The following BCAS3 variants were observed in gnomAD, a reference collection of about 807,000 sequenced individuals.
BCAS3 encodes BCAS4/BCAS3 fusion.
A neutral mutation model predicts 116.1 loss-of-function variants in BCAS3; 53 were observed. The observed-to-expected ratio is 0.46, with a 90% CI of 0.37 to 0.57. BCAS3 has a LOEUF of 0.57. Ranked by LOEUF, BCAS3 falls within the 20% of genes least tolerant of loss-of-function variation. BCAS3 has a pLI of 0.00. For missense variants in BCAS3, 917 were observed against 1,165.4 expected (o/e 0.79, Z 3.10); for synonymous variants, 391 against 408.2 (o/e 0.96, Z 0.51).
intron 12 of BCAS3, among the ~76,000 whole-genome samples, chr17:60,915,420 C>A (rs1599655113): frequency 6.6e-6 from 1 of 151,956 alleles, no homozygotes; most frequent in East Asian, 1.9e-4. Flanking sequence ...TCATGTAACC[C>A]CCACCACAGT....
chr17:60,682,611 C>T (rs2033344395), intron 2 of BCAS3, among the ~76,000 whole-genome samples: 1 of 152,272 alleles, frequency 6.6e-6, no homozygotes, highest in Middle Eastern at 3.4e-3. Flanking sequence ...CAACCTCCAC[C>T]TCTTGGGTTC....
Position 61,380,700 on chromosome 17 carries a change from T to C in BCAS3, c.2594-11277T>C. On this transcript the variant is annotated intron_variant, in intron 23 of 23. Coordinates refer to ENST00000407086, the MANE Select transcript of BCAS3 (RefSeq NM_017679.5). This position sits in a 1 kb window ranked among gnomAD's most constrained non-coding sequence, Gnocchi z 4.2. ...CACTCTAGGGAGGGCAGGGGTCAGC[T>C]CAGATGGGAGGTCTCTTCTGGAAGG... The C allele has an allele frequency of 1.3e-6, 1 of 786,244 alleles. No homozygotes were observed. Among genetic ancestry groups the C allele is most frequent in the Non-Finnish European group, 2.1e-6 (1 of 479,200 alleles). 48.7% of individuals were successfully genotyped at this position (786,244 alleles called of 1,614,324 possible).
In BCAS3 at chr17:61,199,871, G is replaced by A. The variant is rs1390648357; in HGVS notation, c.2425+115307G>A. Among the ~76,000 whole-genome samples, 1 of 152,002 alleles carries A rather than the reference G, an allele frequency of 6.6e-6. No homozygotes were observed. On this transcript the variant is annotated intron_variant, in intron 22 of 23. Transcript: ENST00000407086. The surrounding 1 kb of genome is among the most constrained non-coding windows in gnomAD (Gnocchi z 4.6). ...TTTCTAGACATCCACCTTACTGCAG[G>A]GCCCTAGGGTCATAACCTCTTAACC... is the stretch of plus-strand genomic sequence containing the variant.
chr17:60,881,711 A>G lies in BCAS3; in HGVS notation c.661+6973A>G, dbSNP rs1235690598. ...CGGTGTTTGGTTTTTTGGTCTTGCG[A>G]TAGTTTACTGAGAATGATGATTTCC... On this transcript the variant is annotated intron_variant, in intron 9 of 23. Transcript: ENST00000407086. 2.6e-5 allele frequency among the ~76,000 whole-genome samples: 4 copies of G among 150,994 alleles called. No homozygotes were observed. In the South Asian group the frequency reaches 6.3e-4, roughly 24 times the overall value.
intron 22 of BCAS3, among the ~76,000 whole-genome samples, chr17:61,143,550 C>T (rs1208896377): frequency 3.9e-5 from 6 of 152,266 alleles, no homozygotes; most frequent in Non-Finnish European, 7.4e-5. Flanking sequence ...TGGCTCACGC[C>T]TGTAATCCCA....
chr17:60,977,135 C>G (rs985556227), intron 14 of BCAS3, among the ~76,000 whole-genome samples: 2 of 151,914 alleles, frequency 1.3e-5, no homozygotes, highest in African/African-American at 4.8e-5. Flanking sequence ...GACAGGGCGG[C>G]TGGCCAGGCG....
chr17:60,777,214 C>T lies in BCAS3; in HGVS notation c.403+29935C>T, dbSNP rs150765287. 2.9e-4 allele frequency among the ~76,000 whole-genome samples: 44 copies of T among 152,230 alleles called. No homozygotes were observed. The East Asian group carries it at 8.1e-3, about 28-fold the overall frequency. On this transcript the variant is annotated intron_variant, in intron 6 of 23. Coordinates refer to ENST00000407086, the MANE Select transcript of BCAS3 (RefSeq NM_017679.5). ...GAACTCTTGGTGTCTTTCCCATCAC[C>T]ACCTTATTCTCTTCCTCTACTACTA...
rs148106585 is a variant in BCAS3, at chr17:60,947,397, G to C, written c.1221+45G>C. 3 of 1,567,690 alleles carry C rather than the reference G, an allele frequency of 1.9e-6. No homozygotes were observed. The African/African-American group carries it at 4.1e-5, about 21-fold the overall frequency. On this transcript the variant is annotated intron_variant, in intron 14 of 23. Transcript: ENST00000407086. ...AGAAGGCGATTTCTTGGTGTAATAT[G>C]ACATCTACTCTAGCTGGTCATTTAT...
intron 14 of BCAS3, among the ~76,000 whole-genome samples, chr17:60,963,012 G>A (rs2061484278): frequency 6.6e-6 from 1 of 152,136 alleles, no homozygotes; most frequent in Non-Finnish European, 1.5e-5. Context: ...ACCTTCTTAT[G>A]TTCTTGGCGT....
In BCAS3 at chr17:60,903,983, T is replaced by C. The variant is rs572105968; in HGVS notation, c.822+1280T>C. On this transcript the variant is annotated intron_variant, in intron 11 of 23. Coordinates refer to ENST00000407086, the MANE Select transcript of BCAS3 (RefSeq NM_017679.5). ...TTTTCAGTAATTTTTAGTTATGGAA[T>C]GGAGGATAACTTTTCAGCTCCTGTT... Among the ~76,000 whole-genome samples, 75 of 152,314 alleles carry C rather than the reference T, an allele frequency of 4.9e-4. 1 individual carries two copies. In the South Asian group the frequency reaches 0.014, roughly 29 times the overall value.
intron 22 of BCAS3, among the ~76,000 whole-genome samples, chr17:61,334,815 C>T (rs143802943): frequency 6.6e-6 from 1 of 152,302 alleles, no homozygotes; most frequent in African/African-American, 2.4e-5. Flanking sequence ...ACAGGAACAG[C>T]TCACTGTAAC....
intron 6 of BCAS3, among the ~76,000 whole-genome samples, chr17:60,800,249 G>A (rs1411169626): frequency 6.6e-6 from 1 of 152,120 alleles, no homozygotes; most frequent in Non-Finnish European, 1.5e-5. Flanking sequence ...GAGACATCTA[G>A]TTTCTGCTCA....
chr17:60,768,560 C>A (rs2044342028), intron 6 of BCAS3, among the ~76,000 whole-genome samples: 1 of 152,138 alleles, frequency 6.6e-6, no homozygotes, highest in African/African-American at 2.4e-5. Context: ...TATTGTGGGA[C>A]CTTGTGATCC....
Position 61,032,646 on chromosome 17 carries a change from A to G in BCAS3, c.1638-2020A>G, listed in dbSNP as rs1295024265. Among the ~76,000 whole-genome samples the G allele has an allele frequency of 6.6e-6, 1 of 152,160 alleles. No individual in the cohort carries two copies. The highest frequency in any genetic ancestry group is 2.4e-5 in the African/African-American group (1 of 41,442). ...GTGCATATTTGTTCAGGTATAGGGCAGAGAAGAGTCTTCCTTTCTGGAGGT... is the reference window on the plus strand; with the variant it reads ...GTGCATATTTGTTCAGGTATAGGGCGGAGAAGAGTCTTCCTTTCTGGAGGT... On this transcript the variant is annotated intron_variant, in intron 16 of 23. Coordinates refer to ENST00000407086, the MANE Select transcript of BCAS3 (RefSeq NM_017679.5). This position sits in a 1 kb window ranked among gnomAD's most constrained non-coding sequence, Gnocchi z 4.6.
rs2076043193 is a variant in BCAS3, at chr17:61,126,304, A to T, written c.2425+41740A>T. On this transcript the variant is annotated intron_variant, in intron 22 of 23. Coordinates refer to ENST00000407086, the MANE Select transcript of BCAS3 (RefSeq NM_017679.5). This position sits in a 1 kb window ranked among gnomAD's most constrained non-coding sequence, Gnocchi z 4.6. ...TCTGAATTTACATATCACCTTGAGA[A>T]AATGTGAGGCAATCCTTTACTGAAT... Among the ~76,000 whole-genome samples the T allele has an allele frequency of 6.6e-6, 1 of 152,114 alleles. No homozygotes were observed. Among genetic ancestry groups the T allele is most frequent in the African/African-American group, 2.4e-5 (1 of 41,436 alleles).
chr17:61,295,417 T>C (rs1356296952), intron 22 of BCAS3, among the ~76,000 whole-genome samples: 1 of 152,206 alleles, frequency 6.6e-6, no homozygotes, highest in Non-Finnish European at 1.5e-5. Context: ...TGACACTAAA[T>C]GCCCAGCGTA....
At position 61,391,698 on chromosome 17, in the gene BCAS3, G is replaced by A. The variant is rs1033103085; in HGVS notation, c.2594-279G>A. 10 of 443,112 alleles carry A rather than the reference G, an allele frequency of 2.3e-5. No homozygotes were observed. The highest frequency in any genetic ancestry group is 8.0e-5 in the African/African-American group (4 of 49,982). The allele number at this position is 443,112 out of a possible 1,614,324, so 27.4% of individuals were successfully genotyped here. A position where few individuals can be genotyped will look rare whatever the true frequency, so the allele number is the denominator to read the frequency against. ...AAGAGCTGTGTAGTCCACACACATCGTCAGGGTGGCCGTGCTTCGGGCCTA... is the reference window on the plus strand; with the variant it reads ...AAGAGCTGTGTAGTCCACACACATCATCAGGGTGGCCGTGCTTCGGGCCTA... On this transcript the variant is annotated intron_variant, in intron 23 of 23. Coordinates refer to ENST00000407086, the MANE Select transcript of BCAS3 (RefSeq NM_017679.5). The surrounding 1 kb of genome is among the most constrained non-coding windows in gnomAD (Gnocchi z 7.7).
Position 61,131,192 on chromosome 17 carries a change from A to T in BCAS3, c.2425+46628A>T, listed in dbSNP as rs551077136. 6.6e-6 allele frequency among the ~76,000 whole-genome samples: 1 copy of T among 152,348 alleles called. No individual in the cohort carries two copies. The highest frequency in any genetic ancestry group is 2.1e-4 in the South Asian group (1 of 4,822). ...CTAAGAGAGTTTCAAAATGAAAAAA[A>T]ATACTATGTGTTTGTAATTTTATGA... On this transcript the variant is annotated intron_variant, in intron 22 of 23. Transcript: ENST00000407086. This position sits in a 1 kb window ranked among gnomAD's most constrained non-coding sequence, Gnocchi z 4.4.
Position 60,910,770 on chromosome 17 carries a change from C to T in BCAS3, c.993+68C>T, listed in dbSNP as rs1042548811. 7 of 1,373,488 alleles carry T rather than the reference C, an allele frequency of 5.1e-6. No individual in the cohort carries two copies. The African/African-American group carries it at 8.9e-5, about 17-fold the overall frequency. The allele number at this position is 1,373,488 out of a possible 1,614,324, so 85.1% of individuals were successfully genotyped here. On this transcript the variant is annotated intron_variant, in intron 12 of 23. Transcript: ENST00000407086. ...AGATGGGGCTAAGATCAAGATTAGT[C>T]AAAATGTATTTGGCCTAGGAGATTA...
Sources: allele counts gnomAD v4.1 joint callset (sites outside exome capture counted in the v4.1 genomes callset), GRCh38; gene constraint gnomAD v4.1.1; non-coding constraint Gnocchi (gnomAD v3.1); transcripts MANE v1.5; gene names NCBI Gene and HGNC (gene_info 2026-07-23, HGNC 2026-07-21).